PSEN1: variants seen among roughly 807,000 people sequenced by gnomAD.
PSEN1 encodes the protein presenilin 1.
PSEN1 carries 15 observed loss-of-function variants against 53.5 expected under a neutral mutation model. That is an observed-to-expected ratio of 0.28 (90% CI 0.19 to 0.43). The LOEUF is 0.43. PSEN1 is among the 20% of genes least tolerant of loss of function. The probability of loss-of-function intolerance (pLI) is 1.00; values close to 1 mark genes in which losing one functional copy is unlikely to be tolerated. For synonymous variants in PSEN1, 208 were observed against 209.8 expected (o/e 0.99, Z 0.08); for missense variants, 387 against 571.2 (o/e 0.68, Z 3.29).
intron 7 of PSEN1, among the ~76,000 whole-genome samples, chr14:73,194,701 TG>T (rs1434999945): frequency 6.6e-6 from 1 of 151,966 alleles, no homozygotes; most frequent in African/African-American, 2.4e-5. Flanking sequence ...CCCAAGTAGC[TG>T]GGACTACAGG....
At chr14:73,181,685 G>C (rs1405394403) in intron 5 of PSEN1, among the ~76,000 whole-genome samples, 1 of 152,212 alleles carries the variant, frequency 6.6e-6, no homozygotes, top group African/African-American at 2.4e-5. Context: ...AATGTAAACA[G>C]TACACTAGTT....
At chr14:73,196,408 A>G (rs1898943262) in intron 7 of PSEN1, among the ~76,000 whole-genome samples, 1 of 147,616 alleles carries the variant, frequency 6.8e-6, no homozygotes, top group Non-Finnish European at 1.5e-5. Context: ...ATAGTTCTAT[A>G]TATACTATAT....
rs773231702 is a variant in PSEN1 at position 73,173,653 on chromosome 14, CATT to C, written c.427_429del (p.Ile143del). On this transcript the variant is annotated inframe_deletion, in exon 5 of 12. Coordinates refer to ENST00000324501, the MANE Select transcript of PSEN1 (RefSeq NM_000021.4). ...TGAATGCTGCCATCATGATCAGTGT[CATT>C]GTTGTCATGACTATCCTCCTGGTGG... is the stretch of plus-strand genomic sequence containing the variant. 6.2e-7 allele frequency: 1 copy of C among 1,613,914 alleles called. No individual in the cohort carries two copies. Among genetic ancestry groups the C allele is most frequent in the Non-Finnish European group, 8.5e-7 (1 of 1,179,832 alleles).
intron 1 of PSEN1, among the ~76,000 whole-genome samples, chr14:73,141,048 G>C (rs1451927418): frequency 1.3e-5 from 2 of 152,212 alleles, no homozygotes; most frequent in African/African-American, 4.8e-5. Context: ...AAGGCCAACT[G>C]CATAAGCATA....
At chr14:73,174,794 T>C (rs1390104082) in intron 5 of PSEN1, among the ~76,000 whole-genome samples, 1 of 152,144 alleles carries the variant, frequency 6.6e-6, no homozygotes, top group Non-Finnish European at 1.5e-5. Flanking sequence ...ACTGTACTAC[T>C]TCCTTCCTTG....
intron 8 of PSEN1, among the ~76,000 whole-genome samples, chr14:73,201,550 A>G (rs908520541): frequency 6.6e-6 from 1 of 152,178 alleles, no homozygotes; most frequent in African/African-American, 2.4e-5. Context: ...GTGTGCATGC[A>G]TGTCTCTGTG....
chr14:73,210,737 T>C (rs1364732274), intron 9 of PSEN1, among the ~76,000 whole-genome samples: 1 of 152,102 alleles, frequency 6.6e-6, no homozygotes, highest in Non-Finnish European at 1.5e-5. Context: ...TTGTGAGGGC[T>C]CTCCCAGAGG....
At chr14:73,184,667 G>T (rs1336765350) in intron 5 of PSEN1, among the ~76,000 whole-genome samples, 1 of 109,228 alleles carries the variant, frequency 9.2e-6, no homozygotes, top group African/African-American at 3.4e-5. Context: ...CCTCCCTCCC[G>T]GACGGAGCGG....
At chr14:73,179,946 T>C (rs1230689788) in intron 5 of PSEN1, among the ~76,000 whole-genome samples, 1 of 152,190 alleles carries the variant, frequency 6.6e-6, no homozygotes, top group African/African-American at 2.4e-5. Context: ...TTAATATATT[T>C]TTTGTCGCAT....
chr14:73,155,536 T>C (rs1897329797), intron 3 of PSEN1, among the ~76,000 whole-genome samples: 1 of 152,082 alleles, frequency 6.6e-6, no homozygotes, highest in South Asian at 2.1e-4. Context: ...CAGGGTCTCC[T>C]TCTATCACCC....
intron 5 of PSEN1, among the ~76,000 whole-genome samples, chr14:73,180,587 C>T (rs1259299404): frequency 6.6e-6 from 1 of 152,160 alleles, no homozygotes; most frequent in Non-Finnish European, 1.5e-5. Flanking sequence ...ATGTTAAAAA[C>T]AGGAAAGGCA....
At chr14:73,152,613 G>GA (rs916394170) in intron 3 of PSEN1, among the ~76,000 whole-genome samples, 67 of 144,688 alleles carry the variant, frequency 4.6e-4, no homozygotes, top group Admixed American at 6.2e-4. Flanking sequence ...CTCAAAAAAA[G>GA]AAAAAAAAAA....
Position 73,141,135 on chromosome 14 carries a change from T to G in PSEN1, c.-136+4552T>G, listed in dbSNP as rs529043789. 7.2e-5 allele frequency among the ~76,000 whole-genome samples: 11 copies of G among 152,248 alleles called. No individual in the cohort carries two copies. In the East Asian group the frequency reaches 2.1e-3, roughly 29 times the overall value. ...AGTCACATGATCATGCCCAAAGACT[T>G]AGGAGTGGGTAGTAGACTGCAACCA... On this transcript the variant is annotated intron_variant, in intron 1 of 11. Transcript: ENST00000324501.
chr14:73,213,442 G>T (rs1396908512), intron 10 of PSEN1, among the ~76,000 whole-genome samples: 2 of 151,414 alleles, frequency 1.3e-5, no homozygotes, highest in Admixed American at 1.3e-4. Context: ...ATCAAGTATT[G>T]CTCCTGCTAA....
Position 73,147,784 on chromosome 14 carries a change from T to G in PSEN1, c.-135-11T>G. The G allele has an allele frequency of 1.9e-6, 1 of 538,776 alleles. No individual in the cohort carries two copies. The highest frequency in any genetic ancestry group is 3.3e-6 in the Non-Finnish European group (1 of 299,418). 33.4% of individuals were successfully genotyped at this position (538,776 alleles called of 1,614,324 possible). On this transcript the variant is annotated splice_polypyrimidine_tract_variant and intron_variant, in intron 1 of 11. Transcript: ENST00000324501. ...ACTAACAATGGATGACCTGGTGAAA[T>G]CCTATTTCAGACCTAATCTGGGAGC...
intron 3 of PSEN1, among the ~76,000 whole-genome samples, chr14:73,157,984 T>TA (rs896093952): frequency 5.9e-4 from 87 of 147,164 alleles, no homozygotes; most frequent in Admixed American, 2.6e-3. Context: ...AGTCTCTGTC[T>TA]AAAAAAAAAA....
intron 1 of PSEN1, among the ~76,000 whole-genome samples, chr14:73,139,711 T>C (rs1896863179): frequency 1.3e-5 from 2 of 152,252 alleles, no homozygotes; most frequent in African/African-American, 4.8e-5. Flanking sequence ...TTTTGCCCTC[T>C]AGAGATAGTA....
At chr14:73,157,811 C>A (rs1168398396) in intron 3 of PSEN1, among the ~76,000 whole-genome samples, 1 of 152,030 alleles carries the variant, frequency 6.6e-6, no homozygotes, top group Admixed American at 6.6e-5. Context: ...CAACATGAAA[C>A]CCCTTCTCTA....
chr14:73,190,854 GTTT>G (rs986398350), intron 6 of PSEN1, among the ~76,000 whole-genome samples: 6 of 151,348 alleles, frequency 4.0e-5, no homozygotes, highest in African/African-American at 1.5e-4. Flanking sequence ...TAAATAGATT[GTTT>G]TTGTTTTTGT....
Sources: gnomAD v4.1 joint callset for allele counts (sites outside exome capture counted in the v4.1 genomes callset) on GRCh38, gnomAD v4.1.1 for gene constraint, MANE v1.5 for transcripts, NCBI Gene and HGNC (gene_info 2026-07-23, HGNC 2026-07-21) for gene names.